CTNNA3: variants seen among roughly 807,000 people sequenced by gnomAD.
CTNNA3 encodes catenin alpha 3.
Under a neutral mutation model 95.7 loss-of-function variants are expected in CTNNA3, and 76 were observed. That is an observed-to-expected ratio of 0.79 (90% confidence interval 0.66 to 0.96). The LOEUF (loss-of-function observed/expected upper bound fraction) is 0.96. Ranked by LOEUF, CTNNA3 falls within the 40% of genes least tolerant of loss-of-function variation. The probability of loss-of-function intolerance (pLI) is 0.00; values close to 1 mark genes in which losing one functional copy is unlikely to be tolerated. For synonymous variants in CTNNA3, 431 were observed against 374.4 expected (o/e 1.15, Z -1.74); for missense variants, 1,191 against 1,089.8 (o/e 1.09, Z -1.31).
intron 10 of CTNNA3, among the ~76,000 whole-genome samples, chr10:66,581,311 A>T (rs1369294119): frequency 1.3e-5 from 2 of 151,766 alleles, no homozygotes; most frequent in African/African-American, 4.8e-5. Flanking sequence ...AGCTTTGAGA[A>T]ATCTCCATAC....
chr10:66,567,296 G>A (rs75394574), intron 10 of CTNNA3, among the ~76,000 whole-genome samples: 1 of 152,014 alleles, frequency 6.6e-6, no homozygotes, highest in Non-Finnish European at 1.5e-5. Flanking sequence ...ACATTCTCCA[G>A]AAACTAAGAG....
intron 7 of CTNNA3, among the ~76,000 whole-genome samples, chr10:66,970,502 TG>T (rs11367465): frequency 0.21 from 29,664 of 138,578 alleles, 3,526 homozygotes; most frequent in African/African-American, 0.24. Flanking sequence ...TATTCTTGGG[TG>T]GGGGGGGGAT....
intron 7 of CTNNA3, among the ~76,000 whole-genome samples, chr10:66,906,907 G>A (rs1168363676): frequency 1.3e-5 from 2 of 152,056 alleles, no homozygotes; most frequent in African/African-American, 4.8e-5. Flanking sequence ...CTGACACTGA[G>A]CCTGAGCGAC....
chr10:66,038,584 G>T (rs910919441), intron 15 of CTNNA3, among the ~76,000 whole-genome samples: 1 of 152,160 alleles, frequency 6.6e-6, no homozygotes, highest in Non-Finnish European at 1.5e-5. Flanking sequence ...AATAGGACCT[G>T]CTGAGTCAAT....
At chr10:67,098,076 C>A (rs1302044903) in intron 7 of CTNNA3, 52 of 409,368 alleles carry the variant, frequency 1.3e-4, no homozygotes, top group East Asian at 1.1e-3. Flanking sequence ...ATCCTACCTA[C>A]CTGTAAAAAC....
At chr10:67,704,465 TA>T (rs1841064955) in intron 1 of CTNNA3, among the ~76,000 whole-genome samples, 1 of 152,078 alleles carries the variant, frequency 6.6e-6, no homozygotes, top group Non-Finnish European at 1.5e-5. Context: ...CCCTCAGAAA[TA>T]ACGCCACATA....
intron 7 of CTNNA3, among the ~76,000 whole-genome samples, chr10:67,065,288 T>C (rs920483598): frequency 1.3e-5 from 2 of 152,180 alleles, no homozygotes; most frequent in Non-Finnish European, 2.9e-5. Context: ...TGTTTCATCA[T>C]TTAAAAACCA....
chr10:67,176,432 C>T (rs768450020), intron 7 of CTNNA3, among the ~76,000 whole-genome samples: 10 of 152,116 alleles, frequency 6.6e-5, no homozygotes, highest in Non-Finnish European at 1.2e-4. Flanking sequence ...TGGGATAAAA[C>T]TAAACAAAAC....
chr10:67,757,454 A>T (rs1433467314), intron 1 of CTNNA3, among the ~76,000 whole-genome samples: 1 of 152,174 alleles, frequency 6.6e-6, no homozygotes, highest in African/African-American at 2.4e-5. Flanking sequence ...GAGTCAGTGG[A>T]CTGAGAGAGG....
At chr10:66,012,072 C>T (rs2079015475) in intron 15 of CTNNA3, among the ~76,000 whole-genome samples, 1 of 152,078 alleles carries the variant, frequency 6.6e-6, no homozygotes, top group African/African-American at 2.4e-5. Context: ...CTTATTCACC[C>T]ACGTATTTGT....
chr10:67,432,308 T>TA (rs1476414724), intron 5 of CTNNA3, among the ~76,000 whole-genome samples: 1 of 152,060 alleles, frequency 6.6e-6, no homozygotes, highest in Non-Finnish European at 1.5e-5. Context: ...ATGTTTCTGC[T>TA]AAAAAACTTT....
chr10:66,530,946 A>G (rs1841445385), intron 10 of CTNNA3, among the ~76,000 whole-genome samples: 1 of 152,152 alleles, frequency 6.6e-6, no homozygotes, highest in Non-Finnish European at 1.5e-5. Context: ...TTCGTATCTC[A>G]TAAAACATAC....
At chr10:66,885,006 C>T (rs1170176383) in intron 7 of CTNNA3, among the ~76,000 whole-genome samples, 1 of 152,112 alleles carries the variant, frequency 6.6e-6, no homozygotes, top group Non-Finnish European at 1.5e-5. Context: ...TATTACATAG[C>T]TTGACAGCAC....
chr10:66,978,541 A>ATAAAAAAAAT (rs1437563245), intron 7 of CTNNA3, among the ~76,000 whole-genome samples: 2 of 111,196 alleles, frequency 1.8e-5, no homozygotes, highest in African/African-American at 3.3e-5. Flanking sequence ...AAAAAAAAAA[A>ATAAAAAAAAT]AAAAAAAAAA....
At position 67,615,657 on chromosome 10, in the gene CTNNA3, C is replaced by CTTTT. The variant is rs746378840; in HGVS notation, c.100-8612_100-8609dup. 4.8e-4 allele frequency among the ~76,000 whole-genome samples: 49 copies of CTTTT among 102,130 alleles called. 1 individual carries two copies. Among genetic ancestry groups the CTTTT allele is most frequent in the East Asian group, 2.9e-3 (9 of 3,134 alleles). 67.0% of individuals were successfully genotyped at this position (102,130 alleles called of 152,430 possible). ...AATGTGTAACACAACGGCAGGTATT[C>CTTTT]TTTTTTTTTTTTTTTTTTTTTTTGA... is the stretch of plus-strand genomic sequence containing the variant. On this transcript the variant is annotated intron_variant, in intron 2 of 17. Coordinates refer to ENST00000433211, the MANE Select transcript of CTNNA3 (RefSeq NM_013266.4).
chr10:67,327,040 T>C (rs993472086), intron 5 of CTNNA3, among the ~76,000 whole-genome samples: 1 of 152,194 alleles, frequency 6.6e-6, no homozygotes, highest in Non-Finnish European at 1.5e-5. Context: ...GATTGCACTA[T>C]GAAACTCTTG....
chr10:67,554,286 C>G (rs1841148345), intron 3 of CTNNA3, among the ~76,000 whole-genome samples: 1 of 152,138 alleles, frequency 6.6e-6, no homozygotes, highest in Non-Finnish European at 1.5e-5. Context: ...GTAATGGGAT[C>G]ACTGGATCAA....
At chr10:66,390,726 T>C (rs2092927682) in intron 11 of CTNNA3, among the ~76,000 whole-genome samples, 2 of 152,140 alleles carry the variant, frequency 1.3e-5, no homozygotes, top group Admixed American at 6.6e-5. Context: ...GAGTTAATTG[T>C]TGCTTATCTA....
chr10:67,300,176 TC>T (rs1016645857), intron 5 of CTNNA3, among the ~76,000 whole-genome samples: 1 of 151,786 alleles, frequency 6.6e-6, no homozygotes, highest in East Asian at 1.9e-4. Flanking sequence ...AAAAAACCGC[TC>T]CCCCCACAAA....
Sources: allele counts gnomAD v4.1 joint callset (sites outside exome capture counted in the v4.1 genomes callset), GRCh38; gene constraint gnomAD v4.1.1; transcripts MANE v1.5; gene names NCBI Gene and HGNC (gene_info 2026-07-23, HGNC 2026-07-21).